ATRX: variants seen among roughly 807,000 people sequenced by gnomAD.
ATRX encodes chromatin remodeler ATRX.
Under a neutral mutation model 172.6 loss-of-function variants are expected in ATRX, and 12 were observed. The observed-to-expected ratio is 0.07, with a 90% CI of 0.04 to 0.11. ATRX has a LOEUF of 0.11. ATRX is among the 10% of genes least tolerant of loss of function. The probability of loss-of-function intolerance (pLI) is 1.00; values close to 1 mark genes in which losing one functional copy is unlikely to be tolerated. For synonymous variants in ATRX, 674 were observed against 594.7 expected (o/e 1.13, Z -1.94); for missense variants, 1,368 against 1,767.4 (o/e 0.77, Z 4.05).
intron 30 of ATRX, among the ~76,000 whole-genome samples, chrX:77,539,653 G>T (rs1359007179): frequency 9.0e-5 from 10 of 110,689 alleles, no homozygotes; most frequent in African/African-American, 3.3e-4. Context: ...GAGAATGGGG[G>T]CCAATATTCA....
At chrX:77,693,060 T>A (rs1261352755) in intron 6 of ATRX, among the ~76,000 whole-genome samples, 1 of 110,886 alleles carries the variant, frequency 9.0e-6, no homozygotes, top group African/African-American at 3.3e-5. Context: ...CTGATATTTT[T>A]ATTTTTTGTA....
At chrX:77,785,439 C>CA (rs1341691423) in intron 1 of ATRX, among the ~76,000 whole-genome samples, 2 of 108,787 alleles carry the variant, frequency 1.8e-5, no homozygotes, top group African/African-American at 3.3e-5. Context: ...ACAACCCAAT[C>CA]AAAAAAAGGC....
At chrX:77,700,415 G>A (rs1233860067) in intron 2 of ATRX, among the ~76,000 whole-genome samples, 1 of 111,821 alleles carries the variant, frequency 8.9e-6, no homozygotes, top group Non-Finnish European at 1.9e-5. Context: ...AGCCACTCAG[G>A]AAAACAGTTC....
At chrX:77,609,444 C>G (rs1461999126) in intron 22 of ATRX, among the ~76,000 whole-genome samples, 1 of 111,825 alleles carries the variant, frequency 8.9e-6, no homozygotes, top group Non-Finnish European at 1.9e-5. Context: ...CATGAAACAG[C>G]ACGAAAGACA....
rs1239482230 is a variant in ATRX, at chrX:77,539,560, T to TA, written c.6700-16160dup. Among the ~76,000 whole-genome samples the TA allele has an allele frequency of 4.8e-3, 481 of 100,800 alleles. 5 individuals are homozygous for TA. Among genetic ancestry groups the TA allele is most frequent in the Admixed American group, 0.014 (134 of 9,412 alleles). 87.5% of individuals were successfully genotyped at this position (100,800 alleles called of 115,157 possible). ...ATGGAGGGTGAGAAAATGAATACGC[T>TA]AAAAAAAAAAGAGACATAACAAACA... On this transcript the variant is annotated intron_variant, in intron 30 of 34. Coordinates refer to ENST00000373344, the MANE Select transcript of ATRX (RefSeq NM_000489.6).
chrX:77,775,481 G>A (rs1425300051), intron 1 of ATRX, among the ~76,000 whole-genome samples: 3 of 110,469 alleles, frequency 2.7e-5, no homozygotes, highest in Non-Finnish European at 5.7e-5. Flanking sequence ...CCAGGAGTTC[G>A]ATACCAGCCT....
At chrX:77,623,489 T>C (rs1179518596) in intron 19 of ATRX, among the ~76,000 whole-genome samples, 3 of 111,517 alleles carry the variant, frequency 2.7e-5, no homozygotes, top group Non-Finnish European at 5.7e-5. Context: ...ATTCAAAGCA[T>C]TGGTACCAAT....
chrX:77,756,468 C>A (rs1399150953), intron 1 of ATRX, among the ~76,000 whole-genome samples: 2 of 110,536 alleles, frequency 1.8e-5, no homozygotes, highest in Non-Finnish European at 3.8e-5. Context: ...GTGCTTGAAA[C>A]CCAGGGCTGG....
At position 77,507,111 on chromosome X, in the gene ATRX, T is replaced by C; in HGVS notation, c.*1240A>G. 5.8e-6 allele frequency: 1 copy of C among 173,371 alleles called. No individual in the cohort carries two copies. The highest frequency in any genetic ancestry group is 1.1e-5 in the Non-Finnish European group (1 of 90,773). 14.3% of individuals were successfully genotyped at this position (173,371 alleles called of 1,213,427 possible). ...AAGAAAAAATAAAATGTAATACATTTTCTAGTAAAACTTCTAGTAAAGGGG... is the reference window on the plus strand; with the variant it reads ...AAGAAAAAATAAAATGTAATACATTCTCTAGTAAAACTTCTAGTAAAGGGG... On this transcript the variant is annotated 3_prime_UTR_variant, in exon 35 of 35. Coordinates refer to ENST00000373344, the MANE Select transcript of ATRX (RefSeq NM_000489.6).
At chrX:77,509,481 A>G (rs2062793969) in intron 34 of ATRX, among the ~76,000 whole-genome samples, 1 of 112,104 alleles carries the variant, frequency 8.9e-6, no homozygotes, top group Non-Finnish European at 1.9e-5. Context: ...CAGGTGAGCA[A>G]TCACTGTACC....
rs935711279 is a variant in ATRX, at chrX:77,681,745, T to C, written c.3511A>G (p.Arg1171Gly). 3 of 1,203,227 alleles carry C rather than the reference T, an allele frequency of 2.5e-6. No homozygotes were observed. Among genetic ancestry groups the C allele is most frequent in the Non-Finnish European group, 3.4e-6 (3 of 893,258 alleles). The change falls in exon 9 of 35, where the codon AGA (arginine) becomes GGA (glycine). Residue 1171 changes from arginine to glycine, a missense_variant. By Grantham distance (125) the Arg-to-Gly change is moderately radical. Around this residue, in one of 17 missense-constraint regions of ATRX, gnomAD observed 843 missense variants for 643.1 expected, o/e 1.31. Transcript: ENST00000373344. The part of the protein sequence containing the change: ...SSEDNKKKKQ[R>G]TSSKKKAVIV... ...ACTGCCTTCTTTTTAGATGAAGTTC[T>C]TTGCTTCTTCTTTTTATTATCTTCA...
At chrX:77,701,741 C>A (rs1052215335) in intron 2 of ATRX, among the ~76,000 whole-genome samples, 1 of 111,168 alleles carries the variant, frequency 9.0e-6, no homozygotes, top group Admixed American at 9.6e-5. Flanking sequence ...AATTGAAAGT[C>A]ATCAGTATTT....
Position 77,520,903 on chromosome X carries a change from A to G in ATRX, c.7085T>C (p.Met2362Thr). 8.3e-7 allele frequency: 1 copy of G among 1,208,550 alleles called. No homozygotes were observed. The highest frequency in any genetic ancestry group is 1.8e-5 in the South Asian group (1 of 56,917). Residue 2362 changes from methionine (M) to threonine (T), a missense_variant, in exon 34 of 35, where the codon ATG becomes ACG. Coordinates refer to ENST00000373344, the MANE Select transcript of ATRX (RefSeq NM_000489.6). ...CTGTACTTGGGCCTCTGAGAGATTC[A>G]TGTTCTCCTTCCACTAAAAGAAAAA... ...DIISAVWKENMNLSEAQVQAL... is the reference protein window; with the variant it reads ...DIISAVWKENTNLSEAQVQAL...
At chrX:77,670,997 A>C (rs2148521163) in intron 10 of ATRX, among the ~76,000 whole-genome samples, 1 of 102,437 alleles carries the variant, frequency 9.8e-6, no homozygotes, top group East Asian at 3.1e-4. Flanking sequence ...AAAATTCAAA[A>C]ATTAGCCAGG....
intron 4 of ATRX, among the ~76,000 whole-genome samples, chrX:77,697,005 G>A (rs1222203844): frequency 1.8e-5 from 2 of 111,947 alleles, no homozygotes; most frequent in African/African-American, 6.5e-5. Flanking sequence ...GTTTTTAAGA[G>A]ACATTCCCAC....
At chrX:77,773,234 C>A (rs782045183) in intron 1 of ATRX, among the ~76,000 whole-genome samples, 1 of 109,936 alleles carries the variant, frequency 9.1e-6, no homozygotes, top group Non-Finnish European at 1.9e-5. Context: ...GAAACATTCA[C>A]CCTTAATTCT....
At chrX:77,539,764 G>A (rs1397138388) in intron 30 of ATRX, among the ~76,000 whole-genome samples, 2 of 111,771 alleles carry the variant, frequency 1.8e-5, no homozygotes, top group Non-Finnish European at 3.8e-5. Context: ...ACAAGCAAAT[G>A]CTGAGAGATT....
chrX:77,606,757 C>CAAAAA lies in ATRX; in HGVS notation c.5567-6198_5567-6194dup, dbSNP rs782601756. Among the ~76,000 whole-genome samples the CAAAAA allele has an allele frequency of 3.6e-4, 24 of 66,981 alleles. 1 individual carries two copies. The highest frequency in any genetic ancestry group is 1.4e-3 in the African/African-American group (23 of 16,748). The allele number at this position is 66,981 out of a possible 115,157, so 58.2% of individuals were successfully genotyped here. On this transcript the variant is annotated intron_variant, in intron 22 of 34. Transcript: ENST00000373344. ...GGGCAACATAGAGACCTCATCTCTA[C>CAAAAA]AAAAAAAAAAAAAAAAACCCACACA...
intron 1 of ATRX, among the ~76,000 whole-genome samples, chrX:77,723,474 T>C (rs2073879497): frequency 9.0e-6 from 1 of 111,720 alleles, no homozygotes; most frequent in Non-Finnish European, 1.9e-5. Context: ...AGAGATCTTG[T>C]GTGGGTATTT....
Sources: gnomAD v4.1 joint callset for allele counts (sites outside exome capture counted in the v4.1 genomes callset) on GRCh38, gnomAD v4.1.1 for gene constraint, gnomAD v4.1.1 regional missense constraint, MANE v1.5 for transcripts, NCBI Gene and HGNC (gene_info 2026-07-23, HGNC 2026-07-21) for gene names.